The following RALGPS2 variants were observed in gnomAD, a reference collection of about 807,000 sequenced individuals.
RALGPS2 encodes the protein Ral GEF with PH domain and SH3 binding motif 2.
A neutral mutation model predicts 86.8 loss-of-function variants in RALGPS2; 43 were observed. The observed-to-expected ratio is 0.50, with a 90% CI of 0.39 to 0.64. RALGPS2 has a LOEUF of 0.64. Among genes scored for constraint, RALGPS2 ranks in the 30% least tolerant of loss-of-function variants. RALGPS2 has a pLI of 0.00. For synonymous variants in RALGPS2, 243 were observed against 231.3 expected, an observed-to-expected ratio of 1.05 and a Z score of -0.46; for missense variants, 536 against 694.6, an observed-to-expected ratio of 0.77 and a Z score of 2.57.
intron 7 of RALGPS2, among the ~76,000 whole-genome samples, chr1:178,827,960 A>G (rs1045850023): frequency 6.6e-6 from 1 of 152,196 alleles, no homozygotes; most frequent in African/African-American, 2.4e-5. Flanking sequence ...TGCAAAAATG[A>G]ACTCAAAATA....
chr1:178,846,651 T>C (rs1656880128), intron 8 of RALGPS2, among the ~76,000 whole-genome samples: 1 of 152,210 alleles, frequency 6.6e-6, no homozygotes, highest in African/African-American at 2.4e-5. Context: ...CATCCCCATG[T>C]TCATAGTGTT....
chr1:178,836,820 A>T (rs760293392), intron 8 of RALGPS2, among the ~76,000 whole-genome samples: 31 of 151,772 alleles, frequency 2.0e-4, no homozygotes, highest in Non-Finnish European at 3.5e-4. Context: ...TCACTCTGTC[A>T]TCCAGGCTGG....
At chr1:178,899,641 GTTTTGGTTTTGGTT>G in intron 17 of RALGPS2, among the ~76,000 whole-genome samples, 1 of 143,840 alleles carries the variant, frequency 7.0e-6, no homozygotes, top group African/African-American at 2.8e-5. Flanking sequence ...TTTGGTTTTG[GTTTTGGTTTTGGTT>G]TTTTTTTTTG....
intron 4 of RALGPS2, among the ~76,000 whole-genome samples, chr1:178,801,291 G>A (rs1654460040): frequency 6.6e-6 from 1 of 151,988 alleles, no homozygotes; most frequent in Admixed American, 6.6e-5. Context: ...GTAGCCAATA[G>A]CTATACTTTG....
At chr1:178,788,905 T>C (rs1653821835) in intron 4 of RALGPS2, among the ~76,000 whole-genome samples, 1 of 150,136 alleles carries the variant, frequency 6.7e-6, no homozygotes, top group African/African-American at 2.5e-5. Flanking sequence ...TTCTTTCTTC[T>C]TCTTTTTTCT....
intron 19 of RALGPS2, among the ~76,000 whole-genome samples, chr1:178,909,643 A>ATTTTTTTTTT (rs57890269): frequency 2.8e-5 from 2 of 72,382 alleles, no homozygotes; most frequent in African/African-American, 1.2e-4. Flanking sequence ...TTCTTTTTTA[A>ATTTTTTTTTT]TTTTTTTTTT....
At chr1:178,840,440 T>G (rs1332177031) in intron 8 of RALGPS2, among the ~76,000 whole-genome samples, 1 of 152,166 alleles carries the variant, frequency 6.6e-6, no homozygotes, top group Non-Finnish European at 1.5e-5. Context: ...ATAAAGCTGT[T>G]CTTTGAAACC....
intron 17 of RALGPS2, among the ~76,000 whole-genome samples, chr1:178,899,650 TTGG>T (rs1229411389): frequency 3.4e-5 from 5 of 147,830 alleles, no homozygotes; most frequent in African/African-American, 1.0e-4. Flanking sequence ...GGTTTTGGTT[TTGG>T]TTTTTTTTTT....
intron 6 of RALGPS2, among the ~76,000 whole-genome samples, chr1:178,812,481 C>T (rs1441311490): frequency 6.6e-6 from 1 of 152,196 alleles, no homozygotes; most frequent in Non-Finnish European, 1.5e-5. Context: ...CCTAGCTGTT[C>T]ATTTCACCAT....
chr1:178,821,586 T>C, intron 6 of RALGPS2, 26 bp from the exon 7 acceptor site: 1 of 1,564,858 alleles, frequency 6.4e-7, no homozygotes, highest in Non-Finnish European at 8.8e-7. Context: ...TTCATCCCTC[T>C]CCCCCATTTT....
At chr1:178,889,081 C>A (rs1315272396) in intron 13 of RALGPS2, among the ~76,000 whole-genome samples, 3 of 151,786 alleles carry the variant, frequency 2.0e-5, no homozygotes, top group African/African-American at 7.3e-5. Flanking sequence ...TGTTTGAAGA[C>A]CATTTTATTT....
At chr1:178,858,544 A>G (rs920893224) in intron 8 of RALGPS2, among the ~76,000 whole-genome samples, 2 of 152,110 alleles carry the variant, frequency 1.3e-5, no homozygotes, top group African/African-American at 2.4e-5. Flanking sequence ...AGTATCAACT[A>G]TTTTTTGCAA....
rs1047138481 is a variant in RALGPS2, at chr1:178,773,589, A to G, written c.-83-3093A>G. ...CTCTGTTATACTTCAACATTATTAA[A>G]TACTATTGACTCCTGGCTAACACGG... On this transcript the variant is annotated intron_variant, in intron 1 of 19. Transcript: ENST00000367635. Among the ~76,000 whole-genome samples, 6 of 152,206 alleles carry G rather than the reference A, an allele frequency of 3.9e-5. No homozygotes were observed. The East Asian group carries it at 1.2e-3, about 29-fold the overall frequency.
intron 1 of RALGPS2, among the ~76,000 whole-genome samples, chr1:178,775,816 G>C (rs1461534177): frequency 2.0e-5 from 3 of 151,332 alleles, no homozygotes; most frequent in South Asian, 2.1e-4. Context: ...AAACTTTAAA[G>C]TCCTATACAA....
At chr1:178,818,242 C>A (rs2102217958) in intron 6 of RALGPS2, among the ~76,000 whole-genome samples, 1 of 152,252 alleles carries the variant, frequency 6.6e-6, no homozygotes, top group South Asian at 2.1e-4. Context: ...CTCCTGTAGT[C>A]CCAGCTACTC....
intron 18 of RALGPS2, among the ~76,000 whole-genome samples, chr1:178,906,304 G>A (rs529242023): frequency 4.6e-5 from 7 of 152,138 alleles, no homozygotes; most frequent in Non-Finnish European, 1.0e-4. Flanking sequence ...AAAGCTGGGA[G>A]GCAGAGGTTG....
At chr1:178,881,300 G>A (rs1659235056) in intron 10 of RALGPS2, among the ~76,000 whole-genome samples, 1 of 152,118 alleles carries the variant, frequency 6.6e-6, no homozygotes, top group African/African-American at 2.4e-5. Context: ...AATCTTAACA[G>A]GTGAGTGGGA....
Position 178,808,085 on chromosome 1 carries a change from G to A in RALGPS2, c.254G>A (p.Ser85Asn). Residue 85 changes from serine (S) to asparagine (N), a missense_variant, in exon 5 of 20, where the codon AGT becomes AAT. By Grantham distance (46) the Ser-to-Asn change is conservative (BLOSUM62 1). Coordinates refer to ENST00000367635, the MANE Select transcript of RALGPS2 (RefSeq NM_152663.5). The stretch of plus-strand genomic sequence containing the variant: ...GGATGGAATAAAAAAGAAAAATATA[G>A]TTCTGCACCAAATGCAGTTGCCTTC... Reference protein sequence around the residue: ...SCGWNKKEKYSSAPNAVAFTR... With the variant: ...SCGWNKKEKYNSAPNAVAFTR... 6.2e-7 allele frequency: 1 copy of A among 1,611,458 alleles called. No individual in the cohort carries two copies. Among genetic ancestry groups the A allele is most frequent in the Non-Finnish European group, 8.5e-7 (1 of 1,178,112 alleles).
intron 2 of RALGPS2, among the ~76,000 whole-genome samples, chr1:178,779,167 G>T (rs551393106): frequency 3.9e-5 from 6 of 152,094 alleles, no homozygotes; most frequent in Non-Finnish European, 8.8e-5. Flanking sequence ...TGTTGTAAGG[G>T]CTTACTCTGC....
Sources: gnomAD v4.1 joint callset for allele counts (sites outside exome capture counted in the v4.1 genomes callset) on GRCh38, gnomAD v4.1.1 for gene constraint, MANE v1.5 for transcripts, NCBI Gene and HGNC (gene_info 2026-07-23, HGNC 2026-07-21) for gene names.